HTR1E: variants seen among roughly 807,000 people sequenced by gnomAD.
HTR1E encodes the protein 5-hydroxytryptamine receptor 1E.
A neutral mutation model predicts 3.4 loss-of-function variants in HTR1E; 3 were observed. That is an observed-to-expected ratio of 0.89 (90% CI 0.41 to 2.31). The LOEUF is 2.31. Among genes scored for constraint, HTR1E ranks in the 30% most tolerant of loss-of-function variants. HTR1E has a pLI of 0.05. For synonymous variants in HTR1E, 170 were observed against 182.8 expected (o/e 0.93, Z 0.56); for missense variants, 392 against 467.0 (o/e 0.84, Z 1.48).
At chr6:86,989,861 A>C (rs1292164359) in intron 1 of HTR1E, among the ~76,000 whole-genome samples, 1 of 152,164 alleles carries the variant, frequency 6.6e-6, no homozygotes, top group Non-Finnish European at 1.5e-5. Flanking sequence ...ATTTTTATAC[A>C]ACATACTATC....
intron 1 of HTR1E, among the ~76,000 whole-genome samples, chr6:86,981,301 T>C (rs766615129): frequency 6.6e-6 from 1 of 152,228 alleles, no homozygotes; most frequent in Non-Finnish European, 1.5e-5. Flanking sequence ...TTAAATTAAA[T>C]ATTAGATAAG....
rs1768331503 is a variant in HTR1E at position 87,016,610 on chromosome 6, G to T, written c.*178G>T. ...TGTTTTGTTTGAGGATTGTTATTTGGCGTGCTGTTTTCTACCTCTGGTCTT... is the reference window on the plus strand; with the variant it reads ...TGTTTTGTTTGAGGATTGTTATTTGTCGTGCTGTTTTCTACCTCTGGTCTT... On this transcript the variant is annotated 3_prime_UTR_variant, in exon 2 of 2. Coordinates refer to ENST00000305344, the MANE Select transcript of HTR1E (RefSeq NM_000865.3). 5.6e-6 allele frequency: 3 copies of T among 532,596 alleles called. No homozygotes were observed. Among genetic ancestry groups the T allele is most frequent in the Non-Finnish European group, 9.7e-6 (3 of 309,156 alleles). 33.0% of individuals were successfully genotyped at this position (532,596 alleles called of 1,614,324 possible). A position where few individuals can be genotyped will look rare whatever the true frequency, so the allele number is the denominator to read the frequency against.
At chr6:86,950,443 C>G (rs1562059235) in intron 1 of HTR1E, among the ~76,000 whole-genome samples, 1 of 152,110 alleles carries the variant, frequency 6.6e-6, no homozygotes, top group African/African-American at 2.4e-5. Context: ...GGAGCCTAAG[C>G]TTTGGAGCAG....
chr6:87,016,668 C>T lies in HTR1E; in HGVS notation c.*236C>T. 2.8e-6 allele frequency: 1 copy of T among 354,056 alleles called. No homozygotes were observed. Among genetic ancestry groups the T allele is most frequent in the Non-Finnish European group, 5.2e-6 (1 of 191,874 alleles). 21.9% of individuals were successfully genotyped at this position (354,056 alleles called of 1,614,324 possible). ...ATACATAATTTCAAATAAACATTAT[C>T]ATACAAAAACAGAAATTTTGTAGAA... is the stretch of plus-strand genomic sequence containing the variant. On this transcript the variant is annotated 3_prime_UTR_variant, in exon 2 of 2. Transcript: ENST00000305344.
intron 1 of HTR1E, among the ~76,000 whole-genome samples, chr6:86,957,391 A>G: frequency 6.6e-6 from 1 of 152,222 alleles, no homozygotes; most frequent in Admixed American, 6.5e-5. Context: ...TTTTCTCCAA[A>G]TAGCTTTGTA....
rs757951765 is a variant in HTR1E at position 87,016,476 on chromosome 6, A to G, written c.*44A>G. On this transcript the variant is annotated 3_prime_UTR_variant, in exon 2 of 2. Transcript: ENST00000305344. Reference sequence around the variant, plus strand: ...GCACGACTTTTTCCAGAGCCTCATGAGTGGATGGGGGTAAGGGGTGCAACT... The same window carrying G: ...GCACGACTTTTTCCAGAGCCTCATGGGTGGATGGGGGTAAGGGGTGCAACT... The G allele has an allele frequency of 8.5e-6, 13 of 1,522,544 alleles. No homozygotes were observed. Among genetic ancestry groups the G allele is most frequent in the Non-Finnish European group, 1.2e-5 (13 of 1,126,518 alleles). The allele number at this position is 1,522,544 out of a possible 1,614,324, so 94.3% of individuals were successfully genotyped here.
chr6:86,970,244 C>T (rs917713798), intron 1 of HTR1E, among the ~76,000 whole-genome samples: 17 of 152,088 alleles, frequency 1.1e-4, no homozygotes, highest in Admixed American at 2.6e-4. Flanking sequence ...ATAAATAATA[C>T]GACAAAGTTC....
At chr6:86,971,016 G>C in intron 1 of HTR1E, 1 of 470,472 alleles carries the variant, frequency 2.1e-6, no homozygotes, top group South Asian at 1.7e-5. Flanking sequence ...TGGAGGATCT[G>C]ATTCATGAGA....
At chr6:86,992,077 C>T (rs1351016264) in intron 1 of HTR1E, among the ~76,000 whole-genome samples, 1 of 152,144 alleles carries the variant, frequency 6.6e-6, no homozygotes, top group African/African-American at 2.4e-5. Context: ...CCCAAACTGT[C>T]CCCCTCTACC....
rs144055562 is a variant in HTR1E, at chr6:86,998,754, A to G, written c.-185-16396A>G. On this transcript the variant is annotated intron_variant, in intron 1 of 1. Coordinates refer to ENST00000305344, the MANE Select transcript of HTR1E (RefSeq NM_000865.3). Reference sequence around the variant, plus strand: ...AAGGAATAAAATAATAGGTAATAATAGAAGAAATTAAGTCATTCGAAAGCT... The same window carrying G: ...AAGGAATAAAATAATAGGTAATAATGGAAGAAATTAAGTCATTCGAAAGCT... 3.5e-4 allele frequency among the ~76,000 whole-genome samples: 54 copies of G among 152,290 alleles called. No homozygotes were observed. The East Asian group carries it at 0.01, about 28-fold the overall frequency.
intron 1 of HTR1E, among the ~76,000 whole-genome samples, chr6:86,966,291 A>C (rs1001194839): frequency 1.3e-5 from 2 of 152,224 alleles, no homozygotes; most frequent in Non-Finnish European, 2.9e-5. Context: ...AAAAGTAAGA[A>C]GGAAATAATT....
intron 1 of HTR1E, among the ~76,000 whole-genome samples, chr6:86,946,807 A>G (rs1181635524): frequency 6.6e-6 from 1 of 152,136 alleles, no homozygotes; most frequent in African/African-American, 2.4e-5. Context: ...GAATTTTTAG[A>G]AACTGAACCA....
intron 1 of HTR1E, among the ~76,000 whole-genome samples, chr6:86,953,108 GCT>G (rs370001657): frequency 6.8e-4 from 104 of 152,246 alleles, no homozygotes; most frequent in African/African-American, 2.5e-3. Flanking sequence ...GTTAACTGTA[GCT>G]CTCTCTATTG....
In HTR1E at chr6:87,015,981, G is replaced by A. The variant is rs770008065; in HGVS notation, c.647G>A (p.Arg216Lys). The A allele has an allele frequency of 1.2e-6, 2 of 1,614,206 alleles. No individual in the cohort carries two copies. The highest frequency in any genetic ancestry group is 1.7e-6 in the Non-Finnish European group (2 of 1,180,034). Residue 216 changes from arginine (R) to lysine (K), a missense_variant, in exon 2 of 2, where the codon AGG (arginine) becomes AAG (lysine). Physicochemically the swap from Arg to Lys is conservative, Grantham distance 26. Transcript: ENST00000305344. ...GCGGCCAAGAGCCTTTACCAGAAAA[G>A]GGGATCAAGTCGGCACTTAAGCAAC... ...YHAAKSLYQK[R>K]GSSRHLSNRS...
intron 1 of HTR1E, among the ~76,000 whole-genome samples, chr6:86,952,496 C>CAA: frequency 7.1e-6 from 1 of 141,396 alleles, no homozygotes; most frequent in East Asian, 2.0e-4. Context: ...TACACACACA[C>CAA]AGACACACAC....
At chr6:86,983,551 A>G (rs1767741692) in intron 1 of HTR1E, among the ~76,000 whole-genome samples, 1 of 152,190 alleles carries the variant, frequency 6.6e-6, no homozygotes, top group African/African-American at 2.4e-5. Context: ...GGGGTTGGTT[A>G]ATGGGTACAA....
chr6:86,964,170 G>T (rs1355796508), intron 1 of HTR1E, among the ~76,000 whole-genome samples: 1 of 152,170 alleles, frequency 6.6e-6, no homozygotes, highest in Non-Finnish European at 1.5e-5. Context: ...AAATCATCAT[G>T]TGACCGTGAA....
intron 1 of HTR1E, among the ~76,000 whole-genome samples, chr6:87,003,441 A>T (rs1768053544): frequency 6.6e-6 from 1 of 152,192 alleles, no homozygotes; most frequent in Non-Finnish European, 1.5e-5. Flanking sequence ...TGAGAGGCTA[A>T]GGCAGGAGAA....
At chr6:87,009,525 A>T (rs1228445255) in intron 1 of HTR1E, among the ~76,000 whole-genome samples, 3 of 149,750 alleles carry the variant, frequency 2.0e-5, no homozygotes, top group African/African-American at 7.5e-5. Flanking sequence ...CCGCCTTTCT[A>T]TTCCACAAAG....
Sources: gnomAD v4.1 joint callset for allele counts (sites outside exome capture counted in the v4.1 genomes callset) on GRCh38, gnomAD v4.1.1 for gene constraint, MANE v1.5 for transcripts, NCBI Gene and HGNC (gene_info 2026-07-23, HGNC 2026-07-21) for gene names.